NCOA2: variants seen among roughly 807,000 people sequenced by gnomAD.
NCOA2 encodes nuclear receptor coactivator 2.
A neutral mutation model predicts 145.1 loss-of-function variants in NCOA2; 21 were observed. The observed-to-expected ratio is 0.14, with a 90% CI of 0.10 to 0.21. NCOA2 has a LOEUF of 0.21. Among genes scored for constraint, NCOA2 ranks in the 10% least tolerant of loss-of-function variants. The pLI is 1.00. For missense variants in NCOA2, 1,472 were observed against 1,837.6 expected (o/e 0.80, Z 3.64); for synonymous variants, 619 against 637.5 (o/e 0.97, Z 0.44).
intron 1 of NCOA2, among the ~76,000 whole-genome samples, chr8:70,323,117 C>T (rs1052197661): frequency 1.3e-5 from 2 of 152,200 alleles, no homozygotes; most frequent in African/African-American, 4.8e-5. Context: ...ATGCTAAACA[C>T]TTAGGGAGGC....
At chr8:70,430,727 T>C in the NCOA2 span, among the ~76,000 whole-genome samples, 1 of 152,158 alleles carries the variant, frequency 6.6e-6, no homozygotes. Flanking sequence ...GGTAAAGTAA[T>C]AGTGTTGGAG....
At chr8:70,239,127 CT>C (rs1821903389) in intron 2 of NCOA2, among the ~76,000 whole-genome samples, 1 of 152,036 alleles carries the variant, frequency 6.6e-6, no homozygotes, top group South Asian at 2.1e-4. Flanking sequence ...CTTTAGAAGA[CT>C]GTGTTCCAGA....
the NCOA2 span, among the ~76,000 whole-genome samples, chr8:70,414,478 C>T: frequency 6.6e-6 from 1 of 152,170 alleles, no homozygotes; most frequent in South Asian, 2.1e-4. Flanking sequence ...AAATCCCAAG[C>T]CCAGGTGACT....
rs1290665371 is a variant in NCOA2 at position 70,126,922 on chromosome 8, C to A, written c.3807G>T (p.Gly1269=). ...QQRTLMMRGQ[G]LNMTPSMVAP... is the part of the protein sequence containing the mutation. ...CCACCATGCTTGGTGTCATATTCAA[C>A]CCTTGTCCTCTCATCATCAAAGTTC... is the stretch of plus-strand genomic sequence containing the variant. The change falls in exon 19 of 23, where the codon GGG becomes GGT. Residue 1269 remains glycine (G), a synonymous_variant. Coordinates refer to ENST00000452400, the MANE Select transcript of NCOA2 (RefSeq NM_006540.4). The A allele has an allele frequency of 4.3e-6, 7 of 1,613,874 alleles. No individual in the cohort carries two copies. Among genetic ancestry groups the A allele is most frequent in the Non-Finnish European group, 5.9e-6 (7 of 1,179,896 alleles).
rs1220481437 is a variant in NCOA2, at chr8:70,111,686, T to A, written c.*1946A>T. 4.6e-6 allele frequency: 1 copy of A among 215,668 alleles called. No homozygotes were observed. The allele number at this position is 215,668 out of a possible 1,614,324, so 13.4% of individuals were successfully genotyped here. On this transcript the variant is annotated 3_prime_UTR_variant, in exon 23 of 23. Coordinates refer to ENST00000452400, the MANE Select transcript of NCOA2 (RefSeq NM_006540.4). ...ACATTTTCAGACTGTCTACTTACCA[T>A]CTATCTTTGGGCTATATCTCTTCCT...
intron 1 of NCOA2, among the ~76,000 whole-genome samples, chr8:70,387,283 A>G (rs886681522): frequency 1.3e-5 from 2 of 152,222 alleles, no homozygotes; most frequent in African/African-American, 4.8e-5. Context: ...CTCCTGACTC[A>G]GCCTCCTGAG....
intron 4 of NCOA2, among the ~76,000 whole-genome samples, chr8:70,185,381 A>C (rs1815949304): frequency 6.6e-6 from 1 of 152,226 alleles, no homozygotes; most frequent in South Asian, 2.1e-4. Flanking sequence ...AAATCATATC[A>C]TTGTAGCAGA....
At chr8:70,378,743 T>TTAAAAA (rs564704569) in intron 1 of NCOA2, among the ~76,000 whole-genome samples, 1 of 109,880 alleles carries the variant, frequency 9.1e-6, no homozygotes. Flanking sequence ...TAGGCTATGC[T>TTAAAAA]AAAAAAAAAA....
At chr8:70,438,019 T>A in the NCOA2 span, among the ~76,000 whole-genome samples, 2 of 152,244 alleles carry the variant, frequency 1.3e-5, no homozygotes, top group Non-Finnish European at 2.9e-5. Context: ...ATTTTGCAAC[T>A]GTGTAGACAA....
chr8:70,140,070 C>T (rs1810207818), intron 14 of NCOA2, among the ~76,000 whole-genome samples: 1 of 152,142 alleles, frequency 6.6e-6, no homozygotes, highest in Non-Finnish European at 1.5e-5. Flanking sequence ...ATGAGTTGTA[C>T]AGACCATTAA....
intron 2 of NCOA2, among the ~76,000 whole-genome samples, chr8:70,290,702 T>C (rs539516998): frequency 6.6e-6 from 1 of 151,782 alleles, no homozygotes; most frequent in East Asian, 1.9e-4. Flanking sequence ...CACAGTAAAA[T>C]AAAAAAAACT....
At chr8:70,403,527 T>TCCGCGCACTCCGGCGGCGGTCC (rs1348417879) in intron 1 of NCOA2, among the ~76,000 whole-genome samples, 173 bp downstream of exon 1, 15 of 150,190 alleles carry the variant, frequency 1.0e-4, no homozygotes, top group Admixed American at 9.9e-4. Context: ...ACTCCCGTTT[T>TCCGCGCACTCCGGCGGCGGTCC]CCGCGCACTC....
intron 2 of NCOA2, among the ~76,000 whole-genome samples, chr8:70,239,679 T>A (rs552799284): frequency 6.6e-6 from 1 of 152,264 alleles, no homozygotes; most frequent in Admixed American, 6.5e-5. Context: ...AAAAGTTCTA[T>A]CCAGACAAAG....
chr8:70,442,116 G>GAAAAAGAAAGAAAGAAAGAAAGA, the NCOA2 span, among the ~76,000 whole-genome samples: 2 of 82,350 alleles, frequency 2.4e-5, no homozygotes, highest in Non-Finnish European at 5.9e-5. Flanking sequence ...GAGAAAGAAA[G>GAAAAAGAAAGAAAGAAAGAAAGA]AAGAAAGAAA....
chr8:70,191,628 A>G (rs1312221502), intron 4 of NCOA2, among the ~76,000 whole-genome samples: 1 of 152,140 alleles, frequency 6.6e-6, no homozygotes, highest in African/African-American at 2.4e-5. Flanking sequence ...GAGAGGGAGG[A>G]AGAGAGAGGG....
At chr8:70,231,108 C>T (rs1020063313) in intron 2 of NCOA2, among the ~76,000 whole-genome samples, 6 of 152,242 alleles carry the variant, frequency 3.9e-5, no homozygotes, top group Non-Finnish European at 8.8e-5. Flanking sequence ...AGGGTCTGAC[C>T]ATATTTAATC....
At chr8:70,259,591 T>G (rs1419961938) in intron 2 of NCOA2, among the ~76,000 whole-genome samples, 2 of 152,210 alleles carry the variant, frequency 1.3e-5, no homozygotes, top group Non-Finnish European at 2.9e-5. Context: ...AAATTACTAT[T>G]ATTTGTAAAA....
At chr8:70,128,563 T>C in intron 17 of NCOA2, 53 bp from the exon 18 acceptor site, 1 of 1,597,066 alleles carries the variant, frequency 6.3e-7, no homozygotes, top group South Asian at 1.1e-5. Context: ...TACATTTTAC[T>C]TTAAATCAAG....
At chr8:70,310,057 C>T (rs1261380859) in intron 1 of NCOA2, among the ~76,000 whole-genome samples, 1 of 151,910 alleles carries the variant, frequency 6.6e-6, no homozygotes, top group Non-Finnish European at 1.5e-5. Context: ...ACAGGCCAGG[C>T]GCAGTGGCTC....
Sources: allele counts gnomAD v4.1 joint callset (sites outside exome capture counted in the v4.1 genomes callset), GRCh38; gene constraint gnomAD v4.1.1; transcripts MANE v1.5; gene names NCBI Gene and HGNC (gene_info 2026-07-23, HGNC 2026-07-21).